The following SHISA5 variants were observed in gnomAD, a reference collection of about 807,000 sequenced individuals.
The protein encoded by SHISA5 is shisa family member 5.
In SHISA5, 21 loss-of-function variants were observed where a neutral mutation model predicts 27.5. The ratio of observed to expected loss-of-function variants is 0.76; its 90% CI spans 0.54 to 1.10. The LOEUF (loss-of-function observed/expected upper bound fraction) is 1.10, where lower values mean the gene tolerates loss of function less well. Among genes scored for constraint, SHISA5 ranks in the 50% least tolerant of loss-of-function variants. SHISA5 has a pLI of 0.00. For synonymous variants in SHISA5, 137 were observed against 142.2 expected, an observed-to-expected ratio of 0.96 and a Z score of 0.26; for missense variants, 314 against 336.3, an observed-to-expected ratio of 0.93 and a Z score of 0.52.
At position 48,475,907 on chromosome 3, in the gene SHISA5, GGCCAACCCTGA is replaced by G. The variant is rs968502413; in HGVS notation, c.314+3259_314+3269del. Among the ~76,000 whole-genome samples, 18 of 152,250 alleles carry G rather than the reference GGCCAACCCTGA, an allele frequency of 1.2e-4. 1 individual carries two copies. In the Middle Eastern group the frequency reaches 0.014, roughly 115 times the overall value. ...CAAAGTCTAGGGGGCAGAAGACCTG[GGCCAACCCTGA>G]GCCCACAAATAGGGCCACACTATAA... On this transcript the variant is annotated intron_variant, in intron 3 of 5. Coordinates refer to ENST00000296444, the MANE Select transcript of SHISA5 (RefSeq NM_016479.6).
rs747262469 is a variant in SHISA5 at position 48,501,147 on chromosome 3, G to A, written c.223C>T (p.Pro75Ser). ...FVWSEERCAV[P>S]EASVPASVEP... The stretch of plus-strand genomic sequence containing the variant: ...CACTGGTGCACCCACCTGGCCTCAG[G>A]CACAGCACACCTTTCCTCGCTCCAC... The change falls in exon 2 of 6, where the codon CCT (proline) becomes TCT (serine). Residue 75 changes from proline to serine, a missense_variant. Physicochemically the swap from Pro to Ser is moderately conservative, Grantham distance 74. Transcript: ENST00000296444. 8.1e-6 allele frequency: 13 copies of A among 1,611,160 alleles called. No homozygotes were observed. The highest frequency in any genetic ancestry group is 1.3e-5 in the African/African-American group (1 of 74,416).
intron 2 of SHISA5, among the ~76,000 whole-genome samples, chr3:48,483,508 AC>A (rs1456329125): frequency 1.3e-5 from 2 of 152,082 alleles, no homozygotes; most frequent in Non-Finnish European, 2.9e-5. Context: ...AGACACAGCA[AC>A]CATCTGATTT....
chr3:48,488,965 G>C (rs918024087), intron 2 of SHISA5, among the ~76,000 whole-genome samples: 1 of 152,214 alleles, frequency 6.6e-6, no homozygotes, highest in South Asian at 2.1e-4. Context: ...AAAACTGCGA[G>C]GTAAGGAGAT....
At chr3:48,479,099 C>A in intron 3 of SHISA5, 78 bp downstream of exon 3, 1 of 1,326,940 alleles carries the variant, frequency 7.5e-7, no homozygotes, top group Non-Finnish European at 1.1e-6. Context: ...TCCCAGTCCC[C>A]CAGATGCACA....
intron 3 of SHISA5, among the ~76,000 whole-genome samples, chr3:48,474,002 CAAAAAA>C (rs71625877): frequency 1.4e-5 from 1 of 70,306 alleles, no homozygotes. Context: ...GAATCTGTCT[CAAAAAA>C]AAAAAAAAAA....
chr3:48,504,579 G>T (rs1188687799), upstream of SHISA5: 1 of 153,660 alleles, frequency 6.5e-6, no homozygotes, highest in Admixed American at 6.5e-5. The surrounding 1 kb of genome is among the most constrained non-coding windows in gnomAD (Gnocchi z 4.0). Context: ...CTTGCCCGAG[G>T]GCTACGTGAG....
intron 2 of SHISA5, among the ~76,000 whole-genome samples, chr3:48,497,070 A>C (rs137987945): frequency 4.0e-5 from 6 of 151,166 alleles, no homozygotes; most frequent in African/African-American, 1.5e-4. Context: ...TCTCTATTAA[A>C]AATACAAAAA....
intron 2 of SHISA5, among the ~76,000 whole-genome samples, chr3:48,497,901 AAGAG>A (rs1021227416): frequency 6.7e-6 from 1 of 149,662 alleles, no homozygotes; most frequent in East Asian, 1.9e-4. Flanking sequence ...AAAAAAAAAG[AAGAG>A]AGAGAGAGAG....
chr3:48,499,014 G>A (rs1431235328), intron 2 of SHISA5, among the ~76,000 whole-genome samples: 3 of 151,116 alleles, frequency 2.0e-5, no homozygotes, highest in Non-Finnish European at 4.4e-5. Context: ...CTCAGGAGGT[G>A]GAGGTTGTGG....
upstream of SHISA5, chr3:48,504,422 C>T (rs1187740425): frequency 4.0e-6 from 1 of 247,290 alleles, no homozygotes; most frequent in Admixed American, 5.6e-5. The surrounding 1 kb of genome is among the most constrained non-coding windows in gnomAD (Gnocchi z 4.0). Flanking sequence ...CTTCTGCTCA[C>T]CGGATGCATG....
chr3:48,479,695 C>T lies in SHISA5; in HGVS notation c.234-438G>A, dbSNP rs138711410. ...GCAACCTCCGCCTCCCAGGTTCAAG[C>T]GATTCTCCTGCCTCACCCTCCTGGG... On this transcript the variant is annotated intron_variant, in intron 2 of 5. Transcript: ENST00000296444. The T allele has an allele frequency of 5.5e-3, 870 of 159,598 alleles. 6 individuals are homozygous for T. The highest frequency in any genetic ancestry group is 0.02 in the African/African-American group (818 of 41,690). The allele number at this position is 159,598 out of a possible 1,614,324, so 9.9% of individuals were successfully genotyped here.
intron 2 of SHISA5, among the ~76,000 whole-genome samples, chr3:48,484,760 G>A (rs1336386826): frequency 2.0e-5 from 3 of 152,128 alleles, no homozygotes; most frequent in Non-Finnish European, 4.4e-5. Context: ...AGGCGTGGTG[G>A]CAGGTGCCTG....
At chr3:48,492,592 A>G (rs1467263560) in intron 2 of SHISA5, among the ~76,000 whole-genome samples, 1 of 148,146 alleles carries the variant, frequency 6.8e-6, no homozygotes, top group African/African-American at 2.6e-5. Flanking sequence ...GCATGCACCA[A>G]TGTTCGGAGG....
At chr3:48,483,945 G>T (rs2041117579) in intron 2 of SHISA5, among the ~76,000 whole-genome samples, 1 of 152,154 alleles carries the variant, frequency 6.6e-6, no homozygotes, top group Non-Finnish European at 1.5e-5. Context: ...TGAAACTCCT[G>T]GACTCAAGTG....
chr3:48,477,284 C>G (rs191314093), intron 3 of SHISA5, among the ~76,000 whole-genome samples: 15 of 152,106 alleles, frequency 9.9e-5, no homozygotes, highest in Non-Finnish European at 1.9e-4. Context: ...TTAGTAGAGA[C>G]AGGGTTTCAC....
At chr3:48,499,864 CAA>C (rs55724575) in intron 2 of SHISA5, among the ~76,000 whole-genome samples, 4 of 47,038 alleles carry the variant, frequency 8.5e-5, no homozygotes, top group Non-Finnish European at 1.2e-4. Flanking sequence ...GACTCCGTCT[CAA>C]AAAAAAAAAA....
At chr3:48,501,890 T>C (rs1273040106) in intron 1 of SHISA5, among the ~76,000 whole-genome samples, 1 of 146,696 alleles carries the variant, frequency 6.8e-6, no homozygotes, top group African/African-American at 2.6e-5. Context: ...AGACAGAGTC[T>C]CACTCTGTTG....
chr3:48,486,316 TAATAC>T (rs1237745440), intron 2 of SHISA5, among the ~76,000 whole-genome samples: 2 of 91,194 alleles, frequency 2.2e-5, no homozygotes, highest in Non-Finnish European at 3.7e-5. Flanking sequence ...ATATAATATA[TAATAC>T]ATTATGTTAT....
rs1156652099 is a variant in SHISA5 at position 48,494,964 on chromosome 3, T to C, written c.233+6173A>G. Among the ~76,000 whole-genome samples, 7 of 147,232 alleles carry C rather than the reference T, an allele frequency of 4.8e-5. No individual in the cohort carries two copies. The East Asian group carries it at 1.4e-3, about 28-fold the overall frequency. ...GATCTGTGCATTTTACTGTATGTAA[T>C]TATATATCTATTTTTTTTTCTTTTT... On this transcript the variant is annotated intron_variant, in intron 2 of 5. Coordinates refer to ENST00000296444, the MANE Select transcript of SHISA5 (RefSeq NM_016479.6).
Sources: allele counts gnomAD v4.1 joint callset (sites outside exome capture counted in the v4.1 genomes callset), GRCh38; gene constraint gnomAD v4.1.1; non-coding constraint Gnocchi (gnomAD v3.1); transcripts MANE v1.5; gene names NCBI Gene and HGNC (gene_info 2026-07-23, HGNC 2026-07-21).